SGCZ: variants seen among roughly 807,000 people sequenced by gnomAD.
SGCZ encodes the protein zeta-sarcoglycan.
A neutral mutation model predicts 41.3 loss-of-function variants in SGCZ; 40 were observed. The observed-to-expected ratio is 0.97, with a 90% CI of 0.75 to 1.26. The LOEUF is 1.26. Ranked by LOEUF, SGCZ falls within the 50% of genes most tolerant of loss-of-function variation. The pLI, the probability that SGCZ is intolerant of heterozygous loss-of-function variation, is 0.00. For missense variants in SGCZ, 552 were observed against 369.8 expected, an observed-to-expected ratio of 1.49 and a Z score of -4.04; for synonymous variants, 206 against 137.5, an observed-to-expected ratio of 1.50 and a Z score of -3.49.
At chr8:14,689,496 T>C (rs987274122) in intron 1 of SGCZ, among the ~76,000 whole-genome samples, 1 of 152,182 alleles carries the variant, frequency 6.6e-6, no homozygotes, top group African/African-American at 2.4e-5. Context: ...TGTTTTACAG[T>C]AGTTATTTTG....
chr8:15,010,836 G>A (rs940709064), intron 1 of SGCZ, among the ~76,000 whole-genome samples: 1 of 152,124 alleles, frequency 6.6e-6, no homozygotes, highest in Non-Finnish European at 1.5e-5. Flanking sequence ...TGGGACACTT[G>A]GGCTAAGAAA....
intron 3 of SGCZ, among the ~76,000 whole-genome samples, chr8:14,240,353 A>T (rs949526419): frequency 9.5e-5 from 10 of 105,810 alleles, no homozygotes; most frequent in South Asian, 3.7e-4. Flanking sequence ...AAAAAAAAAA[A>T]AAGAACTGAA....
chr8:14,623,314 TAA>T (rs1488958675), intron 1 of SGCZ, among the ~76,000 whole-genome samples: 1 of 152,112 alleles, frequency 6.6e-6, no homozygotes, highest in East Asian at 1.9e-4. Flanking sequence ...ACAAAATTAA[TAA>T]AGAGAAAGTG....
intron 2 of SGCZ, among the ~76,000 whole-genome samples, chr8:14,512,526 C>T (rs927110894): frequency 6.6e-6 from 1 of 151,844 alleles, no homozygotes; most frequent in Non-Finnish European, 1.5e-5. Context: ...AGTGGCAGGA[C>T]GATAGCTGAC....
intron 5 of SGCZ, among the ~76,000 whole-genome samples, chr8:14,130,640 T>A (rs1413705055): frequency 6.6e-6 from 1 of 152,136 alleles, no homozygotes; most frequent in African/African-American, 2.4e-5. Flanking sequence ...TTGGTGGGAT[T>A]TCCTTTTAAT....
intron 1 of SGCZ, among the ~76,000 whole-genome samples, chr8:15,004,860 A>G (rs190641461): frequency 1.4e-3 from 155 of 114,240 alleles, no homozygotes; most frequent in Non-Finnish European, 2.7e-4. Flanking sequence ...GTTTATCGCA[A>G]TGAACTGACG....
At chr8:14,288,008 A>G (rs1387560718) in intron 3 of SGCZ, among the ~76,000 whole-genome samples, 1 of 152,088 alleles carries the variant, frequency 6.6e-6, no homozygotes, top group Non-Finnish European at 1.5e-5. Context: ...CCTACTATTT[A>G]TGAGAAGTAA....
chr8:15,215,701 G>T (rs1801377845), intron 1 of SGCZ, among the ~76,000 whole-genome samples: 1 of 152,158 alleles, frequency 6.6e-6, no homozygotes, highest in African/African-American at 2.4e-5. Context: ...TTTTGCTAAG[G>T]CAGTCTGACC....
chr8:14,760,268 T>G (rs1444222239), intron 1 of SGCZ, among the ~76,000 whole-genome samples: 9 of 152,158 alleles, frequency 5.9e-5, no homozygotes, highest in African/African-American at 2.2e-4. Flanking sequence ...AACCACTAAG[T>G]AAATGAAGAA....
intron 3 of SGCZ, among the ~76,000 whole-genome samples, chr8:14,310,095 G>C (rs756929763): frequency 6.6e-6 from 1 of 152,098 alleles, no homozygotes; most frequent in Non-Finnish European, 1.5e-5. Context: ...TGGTTTGAAA[G>C]ATTATGATGC....
chr8:14,433,971 T>G (rs1800017096), intron 2 of SGCZ, among the ~76,000 whole-genome samples: 1 of 151,976 alleles, frequency 6.6e-6, no homozygotes, highest in South Asian at 2.1e-4. Flanking sequence ...AGCTCTTTCG[T>G]TTAAGTCCCA....
At chr8:15,189,554 A>C (rs1311264873) in intron 1 of SGCZ, among the ~76,000 whole-genome samples, 2 of 138,648 alleles carry the variant, frequency 1.4e-5, no homozygotes, top group African/African-American at 2.5e-5. Context: ...ATACTTCATG[A>C]GGACCTTGAA....
At chr8:14,852,073 T>C (rs1044807869) in intron 1 of SGCZ, among the ~76,000 whole-genome samples, 1 of 152,192 alleles carries the variant, frequency 6.6e-6, no homozygotes, top group Admixed American at 6.5e-5. Context: ...TTTTTTAAGT[T>C]AGTACACTGT....
intron 2 of SGCZ, among the ~76,000 whole-genome samples, chr8:14,369,861 G>A (rs577288108): frequency 2.5e-4 from 38 of 151,886 alleles, no homozygotes; most frequent in African/African-American, 8.9e-4. Flanking sequence ...ATATAATTAG[G>A]CAATCAACTA....
chr8:15,113,081 C>A (rs190608182), intron 1 of SGCZ, among the ~76,000 whole-genome samples: 1 of 151,890 alleles, frequency 6.6e-6, no homozygotes, highest in East Asian at 1.9e-4. Flanking sequence ...TGGTTGTGAG[C>A]GCCTGTAGTT....
Position 14,237,633 on chromosome 8 carries a change from G to A in SGCZ, c.383C>T (p.Ala128Val), listed in dbSNP as rs770086531. The A allele has an allele frequency of 1.2e-6, 2 of 1,613,776 alleles. No homozygotes were observed. Among genetic ancestry groups the A allele is most frequent in the African/African-American group, 2.7e-5 (2 of 74,886 alleles). Reference protein sequence around the residue: ...LQSDRNVTVNARNHMGQLTGQ... With the variant: ...LQSDRNVTVNVRNHMGQLTGQ... The stretch of plus-strand genomic sequence containing the variant: ...GGTTAACTGCCCCATGTGATTTCTT[G>A]CATTCACTGTGACATTCCTGTCAGA... The change falls in exon 4 of 8, where the codon GCA becomes GTA. Residue 128 changes from alanine (A) to valine (V), a missense_variant. Physicochemically the swap from Ala to Val is moderately conservative, Grantham distance 64. Coordinates refer to ENST00000382080, the MANE Select transcript of SGCZ (RefSeq NM_139167.4).
At chr8:14,375,139 CAGACAG>C (rs1804068016) in intron 2 of SGCZ, among the ~76,000 whole-genome samples, 1 of 146,062 alleles carries the variant, frequency 6.8e-6, no homozygotes, top group Non-Finnish European at 1.5e-5. Context: ...GACAGACAGA[CAGACAG>C]ATAGATATTT....
At position 14,403,417 on chromosome 8, in the gene SGCZ, G is replaced by T. The variant is rs1039040405; in HGVS notation, c.235-79213C>A. ...TTTTTGCCCATTCAGTATGATATTG[G>T]CTGTGGGTTTGTCATAGATAGCTCT... On this transcript the variant is annotated intron_variant, in intron 2 of 7. Coordinates refer to ENST00000382080, the MANE Select transcript of SGCZ (RefSeq NM_139167.4). Among the ~76,000 whole-genome samples, 159 of 151,578 alleles carry T rather than the reference G, an allele frequency of 1.0e-3. 2 individuals are homozygous for T. The highest frequency in any genetic ancestry group is 6.8e-3 in the Middle Eastern group (2 of 294).
chr8:14,710,224 G>T (rs935033632), intron 1 of SGCZ, among the ~76,000 whole-genome samples: 5 of 151,812 alleles, frequency 3.3e-5, no homozygotes, highest in Non-Finnish European at 5.9e-5. Flanking sequence ...AAAAAAATTA[G>T]CAGGGCGTGG....
Sources: allele counts gnomAD v4.1 joint callset (sites outside exome capture counted in the v4.1 genomes callset), GRCh38; gene constraint gnomAD v4.1.1; transcripts MANE v1.5; gene names NCBI Gene and HGNC (gene_info 2026-07-23, HGNC 2026-07-21).